Variants in RAB37 observed in about 807,000 individuals in gnomAD.
RAB37 encodes ras-related protein Rab-37.
Under a neutral mutation model 33.1 loss-of-function variants are expected in RAB37, and 29 were observed. That is an observed-to-expected ratio of 0.88 (90% CI 0.65 to 1.20). The LOEUF (loss-of-function observed/expected upper bound fraction) is 1.20, where lower values mean the gene tolerates loss of function less well. Ranked by LOEUF, RAB37 falls within the 50% of genes most tolerant of loss-of-function variation. RAB37 has a pLI of 0.00. For missense variants in RAB37, 299 were observed against 301.1 expected (o/e 0.99, Z 0.05); for synonymous variants, 128 against 119.5 (o/e 1.07, Z -0.47).
Position 74,744,680 on chromosome 17 carries a change from GACCCTTT to G in RAB37, c.433-189_433-183del. ...AGCCCCAACTGCTGTCCTATTCCAA[GACCCTTT>G]ACCAAAGGTGAGATCCCAGAGCTGG... On this transcript the variant is annotated intron_variant, in intron 6 of 8. Transcript: ENST00000392613. The surrounding 1 kb of genome is among the most constrained non-coding windows in gnomAD (Gnocchi z 4.2). 1 of 679,228 alleles carries G rather than the reference GACCCTTT, an allele frequency of 1.5e-6. No homozygotes were observed. Among genetic ancestry groups the G allele is most frequent in the South Asian group, 1.8e-5 (1 of 55,334 alleles). 42.1% of individuals were successfully genotyped at this position (679,228 alleles called of 1,614,324 possible).
chr17:74,704,652 C>G (rs747682173), intron 1 of RAB37: 1 of 1,614,050 alleles, frequency 6.2e-7, no homozygotes, highest in Non-Finnish European at 8.5e-7. Flanking sequence ...TGCTCTGACC[C>G]ACTGGTTTTA....
chr17:74,698,480 G>T (rs755815208), intron 1 of RAB37: 1 of 1,613,042 alleles, frequency 6.2e-7, no homozygotes, highest in Non-Finnish European at 8.5e-7. Flanking sequence ...AGGAGCTTGT[G>T]CCTAGAAACA....
intron 1 of RAB37, among the ~76,000 whole-genome samples, chr17:74,710,140 A>G (rs566576573): frequency 1.1e-4 from 16 of 151,982 alleles, no homozygotes; most frequent in African/African-American, 3.6e-4. Flanking sequence ...CACCACGCCC[A>G]GCTAATTTTT....
rs192716909 is a variant in RAB37 at position 74,682,662 on chromosome 17, T to C, written c.72+11004T>C. 3.0e-4 allele frequency among the ~76,000 whole-genome samples: 45 copies of C among 152,244 alleles called. 1 individual carries two copies. Among genetic ancestry groups the C allele is most frequent in the Admixed American group, 2.0e-3 (31 of 15,304 alleles). ...GATCATGCTTGTAATCCCAGCACTT[T>C]GGGAGGTCAAGGCGGGTGGATCACC... On this transcript the variant is annotated intron_variant, in intron 1 of 7. Coordinates refer to the RAB37 transcript ENST00000340415.
rs142996865 is a variant in RAB37, at chr17:74,720,690, C to T, written c.73-8566C>T. Among the ~76,000 whole-genome samples, 90 of 152,312 alleles carry T rather than the reference C, an allele frequency of 5.9e-4. 3 individuals are homozygous for T. In the East Asian group the frequency reaches 0.016, roughly 26 times the overall value. ...CCAGCTCAGCGGAGAGTCAAGGTGACAGCCTTTTTACACCCTGCCCTCTTG... is the reference window on the plus strand; with the variant it reads ...CCAGCTCAGCGGAGAGTCAAGGTGATAGCCTTTTTACACCCTGCCCTCTTG... On this transcript the variant is annotated intron_variant, in intron 1 of 7. Coordinates refer to the RAB37 transcript ENST00000340415.
chr17:74,690,772 T>C (rs1051508434), intron 1 of RAB37, among the ~76,000 whole-genome samples: 1 of 152,228 alleles, frequency 6.6e-6, no homozygotes, highest in Admixed American at 6.5e-5. Flanking sequence ...AGATCTGCTC[T>C]GTCCAGCTCT....
At chr17:74,681,589 C>T (rs145099517) in intron 1 of RAB37, among the ~76,000 whole-genome samples, 147 of 152,320 alleles carry the variant, frequency 9.7e-4, no homozygotes, top group African/African-American at 3.4e-3. Flanking sequence ...CAGTGTGGCA[C>T]ACAAAGAGAG....
chr17:74,722,126 AC>A (rs1195615322), intron 1 of RAB37, among the ~76,000 whole-genome samples: 2 of 152,050 alleles, frequency 1.3e-5, no homozygotes, highest in African/African-American at 4.8e-5. Flanking sequence ...TACCAAAAAT[AC>A]AAAAAATTAG....
chr17:74,690,412 C>CA (rs1315932975), intron 1 of RAB37, among the ~76,000 whole-genome samples: 5 of 152,056 alleles, frequency 3.3e-5, no homozygotes, highest in African/African-American at 1.2e-4. Flanking sequence ...AATCATATAA[C>CA]AAGATAGTAA....
rs916422474 is a variant in RAB37 at position 74,729,034 on chromosome 17, C to A, written c.73-222C>A. Reference sequence around the variant, plus strand: ...TGTGTGTATGTGTGTTCTGTGTGTGCATATATGTTTGTGTGTGCATGGGTG... The same window carrying A: ...TGTGTGTATGTGTGTTCTGTGTGTGAATATATGTTTGTGTGTGCATGGGTG... On this transcript the variant is annotated intron_variant, in intron 1 of 7. Transcript: ENST00000340415. This position sits in a 1 kb window ranked among gnomAD's most constrained non-coding sequence, Gnocchi z 4.2. Among the ~76,000 whole-genome samples the A allele has an allele frequency of 6.7e-6, 1 of 150,314 alleles. No individual in the cohort carries two copies. The highest frequency in any genetic ancestry group is 1.5e-5 in the Non-Finnish European group (1 of 67,464).
At chr17:74,733,807 C>T (rs921346431), upstream of RAB37, among the ~76,000 whole-genome samples, 4 of 151,950 alleles carry the variant, frequency 2.6e-5, no homozygotes, top group East Asian at 5.8e-4. Flanking sequence ...CTGACTCACC[C>T]GAGGCTGCCC....
At chr17:74,704,697 G>A (rs374219095) in intron 1 of RAB37, 48 of 1,614,070 alleles carry the variant, frequency 3.0e-5, no homozygotes, top group Non-Finnish European at 3.8e-5. Flanking sequence ...ATAGCTCCTC[G>A]ACACCACCAC....
chr17:74,691,579 A>G (rs1202663743), intron 1 of RAB37, among the ~76,000 whole-genome samples: 1 of 152,156 alleles, frequency 6.6e-6, no homozygotes, highest in African/African-American at 2.4e-5. Context: ...CACCATCCAG[A>G]TGAAGGTAGA....
chr17:74,734,877 CAGAG>C (rs1427558965), upstream of RAB37, among the ~76,000 whole-genome samples: 1 of 117,968 alleles, frequency 8.5e-6, no homozygotes, highest in Non-Finnish European at 1.7e-5. Context: ...GAAAGAGAGA[CAGAG>C]AGAAAGAAAG....
intron 1 of RAB37, chr17:74,694,187 T>TTTTAC (rs2032230810): frequency 7.2e-5 from 11 of 152,172 alleles, no homozygotes; most frequent in Admixed American, 2.6e-4. Context: ...GGGACAGTAA[T>TTTTAC]AGAAGTGCCT....
intron 2 of RAB37, among the ~76,000 whole-genome samples, chr17:74,741,671 A>G (rs1434637930): frequency 6.6e-6 from 1 of 151,626 alleles, no homozygotes; most frequent in East Asian, 1.9e-4. Flanking sequence ...TGACGACTCC[A>G]TCTTACAAAT....
At chr17:74,703,654 C>A (rs1332596225) in intron 1 of RAB37, among the ~76,000 whole-genome samples, 1 of 152,118 alleles carries the variant, frequency 6.6e-6, no homozygotes. Flanking sequence ...TTGTGAGGAC[C>A]CATTGAGACA....
At chr17:74,736,899 G>C (rs1040420544), upstream of RAB37, 1 of 1,491,286 alleles carries the variant, frequency 6.7e-7, no homozygotes, top group Non-Finnish European at 8.9e-7. Flanking sequence ...GGCGCCGCCT[G>C]CTGTCGCGGT....
chr17:74,740,971 C>A lies in RAB37; in HGVS notation c.204+93C>A, dbSNP rs1050161197. ...CCCCCACCTTGCTCACCCTGGCTCC[C>A]AGGGACTCCCGAGGCTCATGCCTGG... On this transcript the variant is annotated intron_variant, in intron 2 of 8. Transcript: ENST00000392613. The A allele has an allele frequency of 1.2e-5, 11 of 921,456 alleles. No homozygotes were observed. The African/African-American group carries it at 1.6e-4, about 14-fold the overall frequency. 57.1% of individuals were successfully genotyped at this position (921,456 alleles called of 1,614,324 possible). A position where few individuals can be genotyped will look rare whatever the true frequency, so the allele number is the denominator to read the frequency against.
Sources: gnomAD v4.1 joint callset for allele counts (sites outside exome capture counted in the v4.1 genomes callset) on GRCh38, gnomAD v4.1.1 for gene constraint, Gnocchi (gnomAD v3.1) non-coding constraint, MANE v1.5 for transcripts, NCBI Gene and HGNC (gene_info 2026-07-23, HGNC 2026-07-21) for gene names.